ZNF518B: variants seen among roughly 807,000 people sequenced by gnomAD.
ZNF518B encodes zinc finger protein 518B.
Under a neutral mutation model 56.3 loss-of-function variants are expected in ZNF518B, and 23 were observed. The ratio of observed to expected loss-of-function variants is 0.41; its 90% CI spans 0.29 to 0.58. The LOEUF (loss-of-function observed/expected upper bound fraction) is 0.58. ZNF518B is among the 20% of genes least tolerant of loss of function. The pLI, the probability that ZNF518B is intolerant of heterozygous loss-of-function variation, is 0.32. For missense variants in ZNF518B, 1,460 were observed against 1,272.1 expected, an observed-to-expected ratio of 1.15 and a Z score of -2.25; for synonymous variants, 529 against 465.9, an observed-to-expected ratio of 1.14 and a Z score of -1.74.
In ZNF518B at chr4:10,445,120, T is replaced by C; in HGVS notation, c.1209A>G (p.Thr403=). ...EQEKVLSAEK[T]KSLTVDGNVG... ...CATTCCCGTCAACTGTCAGTGACTT[T>C]GTTTTTTCTGCAGAAAGTACTTTTT... Residue 403 remains threonine, a synonymous_variant, in exon 3 of 3, where the codon ACA becomes ACG. Coordinates refer to ENST00000326756, the MANE Select transcript of ZNF518B (RefSeq NM_053042.3). The C allele has an allele frequency of 6.2e-7, 1 of 1,614,174 alleles. No homozygotes were observed.
chr4:10,445,799 A>G lies in ZNF518B; in HGVS notation c.530T>C (p.Phe177Ser). Residue 177 changes from phenylalanine (F) to serine (S), a missense_variant, in exon 3 of 3, where the codon TTT becomes TCT. Physicochemically the swap from Phe to Ser is radical, Grantham distance 155. Transcript: ENST00000326756. ...CSYISYTKGE[F>S]QRHLVKHTGI... ...TGTGTGTTTCACCAAATGCCTCTGA[A>G]ACTCTCCTTTCGTATACGAAATGTA... is the stretch of plus-strand genomic sequence containing the variant. 6.2e-7 allele frequency: 1 copy of G among 1,614,202 alleles called. No homozygotes were observed. Among genetic ancestry groups the G allele is most frequent in the Non-Finnish European group, 8.5e-7 (1 of 1,180,040 alleles).
Position 10,443,798 on chromosome 4 carries a change from C to G in ZNF518B, c.2531G>C (p.Arg844Pro), listed in dbSNP as rs375016865. Residue 844 changes from arginine (R) to proline (P), a missense_variant, in exon 3 of 3, where the codon CGG (arginine) becomes CCG (proline). Physicochemically the swap from Arg to Pro is moderately radical, Grantham distance 103 (BLOSUM62 -2). Transcript: ENST00000326756. ...DMSPNIETPL[R>P]PKLRKESAVC... ...AGCACTCTCTTTTCTCAGTTTAGGC[C>G]GCAGAGGTGTCTCGATATTTGGGGA... 1 of 1,614,044 alleles carries G rather than the reference C, an allele frequency of 6.2e-7. No individual in the cohort carries two copies. Among genetic ancestry groups the G allele is most frequent in the Non-Finnish European group, 8.5e-7 (1 of 1,180,042 alleles).
In ZNF518B at chr4:10,446,392, A is replaced by C; in HGVS notation, c.-64T>G. ...AAAGTTTTCACATGATAAAATCCTT[A>C]GGAGATATCCTTCTATACAGTTTGT... On this transcript the variant is annotated 5_prime_UTR_variant, in exon 3 of 3. Transcript: ENST00000326756. 1 of 1,478,056 alleles carries C rather than the reference A, an allele frequency of 6.8e-7. No homozygotes were observed. Among genetic ancestry groups the C allele is most frequent in the East Asian group, 2.3e-5 (1 of 44,022 alleles). 91.6% of individuals were successfully genotyped at this position (1,478,056 alleles called of 1,614,324 possible).
chr4:10,443,707 AT>A lies in ZNF518B; in HGVS notation c.2621del (p.Asn874IlefsTer13). 1 of 1,614,150 alleles carries A rather than the reference AT, an allele frequency of 6.2e-7. No individual in the cohort carries two copies. Among genetic ancestry groups the A allele is most frequent in the Non-Finnish European group, 8.5e-7 (1 of 1,180,018 alleles). On this transcript the variant is annotated frameshift_variant, in exon 3 of 3. Transcript: ENST00000326756. LOFTEE classifies it high-confidence loss of function. ...TTCTGGAAAGCAGTCTCCCTTGCTTATTTAATTCACTGCTTCCTTGCTGTCC... is the reference window on the plus strand; with the variant it reads ...TTCTGGAAAGCAGTCTCCCTTGCTTATTAATTCACTGCTTCCTTGCTGTCC... ...LYGQQGSSEL[N>X]KQGRLLSRSL...
chr4:10,461,329 C>CGCCGCGGCT (rs1462630272), upstream of ZNF518B, among the ~76,000 whole-genome samples: 1 of 152,202 alleles, frequency 6.6e-6, no homozygotes, highest in East Asian at 1.9e-4. Flanking sequence ...TCAGCTCGGC[C>CGCCGCGGCT]GCCGCGGCTG....
At position 10,445,315 on chromosome 4, in the gene ZNF518B, A is replaced by G; in HGVS notation, c.1014T>C (p.Val338=). 4 of 1,614,198 alleles carry G rather than the reference A, an allele frequency of 2.5e-6. No homozygotes were observed. Among genetic ancestry groups the G allele is most frequent in the Non-Finnish European group, 3.4e-6 (4 of 1,179,998 alleles). ...ACTGGGCTAAACAGTTTGCAGGGACAACTAGTTCTGCTGGTGCAACAACTG... is the reference window on the plus strand; with the variant it reads ...ACTGGGCTAAACAGTTTGCAGGGACGACTAGTTCTGCTGGTGCAACAACTG... ...PLTVVAPAEL[V]VPANCLAQLI... The change falls in exon 3 of 3, where the codon GTT becomes GTC. Residue 338 remains valine, a synonymous_variant. Coordinates refer to ENST00000326756, the MANE Select transcript of ZNF518B (RefSeq NM_053042.3).
intron 2 of ZNF518B, chr4:10,453,588 T>C (rs1043552322): frequency 7.2e-5 from 11 of 152,026 alleles, no homozygotes; most frequent in African/African-American, 2.4e-4. Flanking sequence ...AAAGAGCAAA[T>C]ATGCTCTTGT....
At chr4:10,449,729 C>A (rs1186062023) in intron 2 of ZNF518B, among the ~76,000 whole-genome samples, 1 of 152,166 alleles carries the variant, frequency 6.6e-6, no homozygotes, top group Admixed American at 6.5e-5. Flanking sequence ...GAGAAAGAAA[C>A]CTGCCTGCCA....
chr4:10,443,831 A>T lies in ZNF518B; in HGVS notation c.2498T>A (p.Ile833Lys). ...TGTCTCGATATTTGGGGACATATCT[A>T]TTGGCCCCCTTTCACTTCTTAAAGG... is the stretch of plus-strand genomic sequence containing the variant. ...LQPLRSERGP[I>K]DMSPNIETPL... is the part of the protein sequence containing the mutation. Residue 833 changes from isoleucine to lysine, a missense_variant, in exon 3 of 3, where the codon ATA (isoleucine) becomes AAA (lysine). Ile to Lys is a moderately radical substitution (Grantham distance 102). Coordinates refer to ENST00000326756, the MANE Select transcript of ZNF518B (RefSeq NM_053042.3). The T allele has an allele frequency of 6.2e-7, 1 of 1,614,222 alleles. No homozygotes were observed. Among genetic ancestry groups the T allele is most frequent in the Non-Finnish European group, 8.5e-7 (1 of 1,180,024 alleles).
chr4:10,449,371 C>T (rs1715204825), intron 2 of ZNF518B, among the ~76,000 whole-genome samples: 1 of 152,208 alleles, frequency 6.6e-6, no homozygotes, highest in African/African-American at 2.4e-5. Flanking sequence ...GCTGAAGCTT[C>T]TGAGAATATT....
chr4:10,440,612 T>C lies in ZNF518B; in HGVS notation c.*2492A>G, dbSNP rs1449993152. On this transcript the variant is annotated 3_prime_UTR_variant, in exon 3 of 3. Coordinates refer to ENST00000326756, the MANE Select transcript of ZNF518B (RefSeq NM_053042.3). Reference sequence around the variant, plus strand: ...CCATTTTTGACTTCCAGAAACACTTTTAATTCCTTAAAAAGTATTCTAGTT... The same window carrying C: ...CCATTTTTGACTTCCAGAAACACTTCTAATTCCTTAAAAAGTATTCTAGTT... 5 of 152,524 alleles carry C rather than the reference T, an allele frequency of 3.3e-5. No individual in the cohort carries two copies. Among genetic ancestry groups the C allele is most frequent in the Non-Finnish European group, 7.3e-5 (5 of 68,038 alleles). 9.4% of individuals were successfully genotyped at this position (152,524 alleles called of 1,614,324 possible).
intron 2 of ZNF518B, among the ~76,000 whole-genome samples, chr4:10,448,738 T>C (rs905660840): frequency 6.6e-6 from 1 of 152,102 alleles, no homozygotes; most frequent in Non-Finnish European, 1.5e-5. Flanking sequence ...ACAGGACACA[T>C]GAATGCCTCA....
chr4:10,453,172 A>G (rs894549226), intron 2 of ZNF518B: 1 of 152,256 alleles, frequency 6.6e-6, no homozygotes, highest in Non-Finnish European at 1.5e-5. Flanking sequence ...ACAAATGAGA[A>G]AAGGGTGTAT....
intron 1 of ZNF518B, among the ~76,000 whole-genome samples, chr4:10,456,836 G>A (rs1280001804): frequency 2.0e-5 from 3 of 152,142 alleles, no homozygotes; most frequent in Non-Finnish European, 2.9e-5. Context: ...TGCTCGGCGC[G>A]GACGGTAGGA....
upstream of ZNF518B, among the ~76,000 whole-genome samples, chr4:10,460,070 C>T (rs547788739): frequency 5.1e-4 from 78 of 151,646 alleles, no homozygotes; most frequent in Non-Finnish European, 8.8e-4. Context: ...TTTGGGAGGC[C>T]GAGGCGGGCA....
chr4:10,461,161 CTG>C (rs1216197569), upstream of ZNF518B, among the ~76,000 whole-genome samples: 1 of 152,274 alleles, frequency 6.6e-6, no homozygotes, highest in Non-Finnish European at 1.5e-5. Context: ...CTGCCAGTCT[CTG>C]AGACGTTTTC....
intron 2 of ZNF518B, among the ~76,000 whole-genome samples, chr4:10,448,459 A>G (rs546572842): frequency 2.6e-5 from 4 of 152,308 alleles, no homozygotes; most frequent in Non-Finnish European, 5.9e-5. Context: ...GAAAGCACCA[A>G]AATAACACAT....
In ZNF518B at chr4:10,445,891, G is replaced by A; in HGVS notation, c.438C>T (p.Asp146=). Residue 146 remains aspartate (D), a synonymous_variant, in exon 3 of 3, where the codon GAC becomes GAT. Coordinates refer to ENST00000326756, the MANE Select transcript of ZNF518B (RefSeq NM_053042.3). ...GGGTGTGCTTTTTGTACTGCAGCGG[G>A]TCCTTTGTAGAGAATCGACATTTAT... The part of the protein sequence containing the change: ...YCDKCRFSTK[D]PLQYKKHTLQ... The A allele has an allele frequency of 6.2e-7, 1 of 1,614,190 alleles. No homozygotes were observed. Among genetic ancestry groups the A allele is most frequent in the Non-Finnish European group, 8.5e-7 (1 of 1,180,032 alleles).
At position 10,443,026 on chromosome 4, in the gene ZNF518B, C is replaced by T. The variant is rs3217; in HGVS notation, c.*78G>A. 449,324 of 1,276,302 alleles carry T rather than the reference C, an allele frequency of 0.35. 83,831 individuals are homozygous for T. The highest frequency in any genetic ancestry group is 0.39 in the Non-Finnish European group (361,656 of 925,924). The allele number at this position is 1,276,302 out of a possible 1,614,324, so 79.1% of individuals were successfully genotyped here. On this transcript the variant is annotated 3_prime_UTR_variant, in exon 3 of 3. Transcript: ENST00000326756. ...CCTCTCATTTCTACAGTCTGTATTTCTTCTACTGAATCTTGGTGGAGGGAC... is the reference window on the plus strand; with the variant it reads ...CCTCTCATTTCTACAGTCTGTATTTTTTCTACTGAATCTTGGTGGAGGGAC...
Sources: allele counts gnomAD v4.1 joint callset (sites outside exome capture counted in the v4.1 genomes callset), GRCh38; gene constraint gnomAD v4.1.1; transcripts MANE v1.5; gene names NCBI Gene and HGNC (gene_info 2026-07-23, HGNC 2026-07-21).